WWP1: variants seen among roughly 807,000 people sequenced by gnomAD.
The protein encoded by WWP1 is NEDD4-like E3 ubiquitin-protein ligase WWP1.
WWP1 carries 49 observed loss-of-function variants against 130.6 expected under a neutral mutation model. The observed-to-expected ratio is 0.38, with a 90% confidence interval of 0.30 to 0.48. The LOEUF (loss-of-function observed/expected upper bound fraction) is 0.48, where lower values mean the gene tolerates loss of function less well. Among genes scored for constraint, WWP1 ranks in the 20% least tolerant of loss-of-function variants. The pLI, the probability that WWP1 is intolerant of heterozygous loss-of-function variation, is 0.99. For synonymous variants in WWP1, 332 were observed against 367.8 expected (o/e 0.90, Z 1.11); for missense variants, 809 against 1,100.6 (o/e 0.74, Z 3.75).
At chr8:86,419,833 A>C (rs1382306391) in intron 9 of WWP1, among the ~76,000 whole-genome samples, 4 of 152,212 alleles carry the variant, frequency 2.6e-5, no homozygotes, top group African/African-American at 9.6e-5. Context: ...AAATATTTTC[A>C]GCGATTGAAA....
chr8:86,431,412 G>A lies in WWP1; in HGVS notation c.1394G>A (p.Arg465Lys). ...TACTCACTTTATATTTCAGAAAAAAGAGTGGATTCAACAGACAGGGTTTAC... is the reference window on the plus strand; with the variant it reads ...TACTCACTTTATATTTCAGAAAAAAAAGTGGATTCAACAGACAGGGTTTAC... ...YGPLPPGWEK[R>K]VDSTDRVYFV... The change falls in exon 13 of 25, where the codon AGA becomes AAA. Residue 465 changes from arginine to lysine, a missense_variant. By Grantham distance (26) the Arg-to-Lys change is conservative. Around this residue, in one of 3 missense-constraint regions of WWP1, gnomAD observed 450 missense variants for 674.2 expected, o/e 0.67. Transcript: ENST00000517970. The A allele has an allele frequency of 2.5e-6, 4 of 1,589,452 alleles. No individual in the cohort carries two copies. Among genetic ancestry groups the A allele is most frequent in the Non-Finnish European group, 3.4e-6 (4 of 1,167,084 alleles).
rs1809711782 is a variant in WWP1 at position 86,427,725 on chromosome 8, A to G, written c.1240A>G (p.Met414Val). 1.2e-6 allele frequency: 2 copies of G among 1,614,116 alleles called. No homozygotes were observed. Among genetic ancestry groups the G allele is most frequent in the Non-Finnish European group, 1.7e-6 (2 of 1,179,990 alleles). The change falls in exon 11 of 25, where the codon ATG becomes GTG. Residue 414 changes from methionine (M) to valine (V), a missense_variant. Around this residue, in one of 3 missense-constraint regions of WWP1, gnomAD observed 450 missense variants for 674.2 expected, o/e 0.67. Transcript: ENST00000517970. ...AACAACAACGTGGCAGCGGCCTACC[A>G]TGGAATCTGTCCGAAATTTTGAACA... Reference protein sequence around the residue: ...TRTTTWQRPTMESVRNFEQWQ... With the variant: ...TRTTTWQRPTVESVRNFEQWQ...
intron 12 of WWP1, 70 bp downstream of exon 12, chr8:86,430,821 A>ATGTTCCT: frequency 1.9e-6 from 1 of 516,422 alleles, no homozygotes; most frequent in Non-Finnish European, 2.7e-6. Context: ...ATATATATAT[A>ATGTTCCT]TATATATATA....
chr8:86,438,319 G>A (rs2130708243), intron 16 of WWP1, among the ~76,000 whole-genome samples: 1 of 152,268 alleles, frequency 6.6e-6, no homozygotes, highest in Non-Finnish European at 1.5e-5. Flanking sequence ...TCAAGTATAA[G>A]TGGACCTGTG....
intron 1 of WWP1, among the ~76,000 whole-genome samples, chr8:86,362,770 C>T (rs374486355): frequency 6.6e-6 from 1 of 151,974 alleles, no homozygotes; most frequent in African/African-American, 2.4e-5. Flanking sequence ...TAGACAAGAT[C>T]GAGTGTAGTG....
Position 86,398,623 on chromosome 8 carries a change from C to G in WWP1, c.524C>G (p.Ala175Gly). 6.2e-7 allele frequency: 1 copy of G among 1,612,210 alleles called. No individual in the cohort carries two copies. Among genetic ancestry groups the G allele is most frequent in the South Asian group, 1.1e-5 (1 of 90,924 alleles). Reference sequence around the variant, plus strand: ...TTACATGAAAATGGAGAGCCTTCAGCAAGGACAACTGCCAGGTAGAATATT... The same window carrying G: ...TTACATGAAAATGGAGAGCCTTCAGGAAGGACAACTGCCAGGTAGAATATT... ...DALHENGEPS[A>G]RTTARLAVEG... Residue 175 changes from alanine to glycine, a missense_variant, in exon 7 of 25, where the codon GCA becomes GGA. Physicochemically the swap from Ala to Gly is moderately conservative, Grantham distance 60 (BLOSUM62 0). Transcript: ENST00000517970.
intron 7 of WWP1, among the ~76,000 whole-genome samples, chr8:86,401,549 T>A (rs1807978851): frequency 1.4e-5 from 2 of 143,754 alleles, no homozygotes; most frequent in Non-Finnish European, 1.5e-5. Context: ...ATCCTGTCTC[T>A]AAAAAAAAAA....
In WWP1 at chr8:86,401,915, A is replaced by G. The variant is rs575122838; in HGVS notation, c.540-104A>G. Reference sequence around the variant, plus strand: ...ATCTAAAAAATTTTAAAAAAGAAATAACAAAAAAGAAACTTAAGAGAATTT... The same window carrying G: ...ATCTAAAAAATTTTAAAAAAGAAATGACAAAAAAGAAACTTAAGAGAATTT... On this transcript the variant is annotated intron_variant, in intron 7 of 24. Coordinates refer to ENST00000517970, the MANE Select transcript of WWP1 (RefSeq NM_007013.4). The G allele has an allele frequency of 6.7e-5, 78 of 1,159,336 alleles. No homozygotes were observed. The African/African-American group carries it at 1.5e-3, about 22-fold the overall frequency. The allele number at this position is 1,159,336 out of a possible 1,614,324, so 71.8% of individuals were successfully genotyped here. A position where few individuals can be genotyped will look rare whatever the true frequency, so the allele number is the denominator to read the frequency against.
At chr8:86,444,572 C>T (rs550889422) in intron 18 of WWP1, among the ~76,000 whole-genome samples, 25 of 152,204 alleles carry the variant, frequency 1.6e-4, no homozygotes, top group Non-Finnish European at 2.9e-4. Flanking sequence ...TAGGAGTGGT[C>T]CCCAGAGGAC....
intron 5 of WWP1, among the ~76,000 whole-genome samples, chr8:86,389,518 T>C (rs1216184508): frequency 6.6e-6 from 1 of 152,242 alleles, no homozygotes; most frequent in East Asian, 1.9e-4. Context: ...GAATTTTTCT[T>C]AGTACAGAAC....
At chr8:86,390,975 G>A (rs1215580305) in intron 5 of WWP1, among the ~76,000 whole-genome samples, 1 of 151,966 alleles carries the variant, frequency 6.6e-6, no homozygotes, top group African/African-American at 2.4e-5. Flanking sequence ...TGGTGGGGGA[G>A]TGATTTATTT....
At chr8:86,376,031 T>C (rs1824628923) in intron 3 of WWP1, among the ~76,000 whole-genome samples, 1 of 152,210 alleles carries the variant, frequency 6.6e-6, no homozygotes, top group Non-Finnish European at 1.5e-5. Context: ...TAAGGGATAT[T>C]TGGATTTTGG....
chr8:86,420,719 G>GT (rs1162886413), intron 9 of WWP1, among the ~76,000 whole-genome samples: 1 of 152,120 alleles, frequency 6.6e-6, no homozygotes, highest in Non-Finnish European at 1.5e-5. Flanking sequence ...AGGTACTGTT[G>GT]TTTTTTGCAA....
At position 86,448,367 on chromosome 8, in the gene WWP1, A is replaced by G; in HGVS notation, c.2133-6A>G. ...TAATTAGTGTATATATATTTATTTC[A>G]CCCAGAGATAACAACATTGAAGAAT... On this transcript the variant is annotated splice_region_variant and splice_polypyrimidine_tract_variant and intron_variant, in intron 19 of 24. Coordinates refer to ENST00000517970, the MANE Select transcript of WWP1 (RefSeq NM_007013.4). 6.2e-7 allele frequency: 1 copy of G among 1,608,642 alleles called. No individual in the cohort carries two copies.
intron 10 of WWP1, among the ~76,000 whole-genome samples, chr8:86,426,208 T>A (rs143427846): frequency 6.5e-4 from 99 of 152,342 alleles, no homozygotes; most frequent in South Asian, 2.5e-3. Context: ...GACAAGATCA[T>A]CAAGTTATAG....
In WWP1 at chr8:86,432,329, A is replaced by G. The variant is rs531758200; in HGVS notation, c.1601+586A>G. Among the ~76,000 whole-genome samples, 9 of 152,330 alleles carry G rather than the reference A, an allele frequency of 5.9e-5. No homozygotes were observed. The East Asian group carries it at 1.7e-3, about 29-fold the overall frequency. The stretch of plus-strand genomic sequence containing the variant: ...GTCTTTTGCAAAGTTGTACCACCAT[A>G]TCTGTCCGTCTCCTACCATCTCTCC... On this transcript the variant is annotated intron_variant, in intron 14 of 24. Transcript: ENST00000517970.
intron 5 of WWP1, among the ~76,000 whole-genome samples, chr8:86,387,941 T>G (rs1825382326): frequency 6.6e-6 from 1 of 152,234 alleles, no homozygotes; most frequent in Admixed American, 6.5e-5. Context: ...ATGGTTATAT[T>G]CTGTATCTCT....
intron 1 of WWP1, among the ~76,000 whole-genome samples, chr8:86,348,275 A>C (rs897322056): frequency 1.3e-5 from 2 of 151,810 alleles, no homozygotes; most frequent in African/African-American, 2.4e-5. Context: ...CTGGAGTGCA[A>C]TGGCGCAATC....
At chr8:86,419,768 T>G (rs1809094833) in intron 9 of WWP1, among the ~76,000 whole-genome samples, 1 of 152,192 alleles carries the variant, frequency 6.6e-6, no homozygotes. Context: ...AAAACAGATC[T>G]ATTTTAAGAC....
Sources: gnomAD v4.1 joint callset for allele counts (sites outside exome capture counted in the v4.1 genomes callset) on GRCh38, gnomAD v4.1.1 for gene constraint, gnomAD v4.1.1 regional missense constraint, MANE v1.5 for transcripts, NCBI Gene and HGNC (gene_info 2026-07-23, HGNC 2026-07-21) for gene names.